SI: variants seen among roughly 807,000 people sequenced by gnomAD.
SI encodes the protein sucrase-isomaltase.
A neutral mutation model predicts 253.3 loss-of-function variants in SI; 235 were observed. The observed-to-expected ratio is 0.93, with a 90% CI of 0.83 to 1.03. SI has a LOEUF of 1.03. Ranked by LOEUF, SI falls within the 50% of genes least tolerant of loss-of-function variation. The pLI, the probability that SI is intolerant of heterozygous loss-of-function variation, is 0.00. For missense variants in SI, 2,442 were observed against 2,211.1 expected, an observed-to-expected ratio of 1.10 and a Z score of -2.09; for synonymous variants, 819 against 712.0, an observed-to-expected ratio of 1.15 and a Z score of -2.39.
Position 165,013,006 on chromosome 3 carries a change from T to C in SI, c.4036A>G (p.Thr1346Ala). ...TTAACAGCTTCATCTTCCGTTAGAGTTTTATCTATTGTTATGTTGGGCAAA... is the reference window on the plus strand; with the variant it reads ...TTAACAGCTTCATCTTCCGTTAGAGCTTTATCTATTGTTATGTTGGGCAAA... ...PDLPNITIDK[T>A]LTEDEAVNAS... Residue 1346 changes from threonine (T) to alanine (A), a missense_variant, in exon 34 of 48, where the codon ACT (threonine) becomes GCT (alanine). Transcript: ENST00000264382. 2 of 1,610,322 alleles carry C rather than the reference T, an allele frequency of 1.2e-6. No homozygotes were observed. Among genetic ancestry groups the C allele is most frequent in the Non-Finnish European group, 1.7e-6 (2 of 1,176,770 alleles).
At position 164,996,599 on chromosome 3, in the gene SI, G is replaced by A. The variant is rs1559981791; in HGVS notation, c.4628C>T (p.Thr1543Ile). ...FFNNSEYHLC[T>I]RWMQLGAFYP... ...AAATGCTCCAAGTTGCATCCAGCGG[G>A]TACAGAGATGATATTCTGAGTTGTT... Residue 1543 changes from threonine (T) to isoleucine (I), a missense_variant, in exon 40 of 48, where the codon ACC (threonine) becomes ATC (isoleucine). Coordinates refer to ENST00000264382, the MANE Select transcript of SI (RefSeq NM_001041.4). 1.2e-6 allele frequency: 2 copies of A among 1,609,984 alleles called. No individual in the cohort carries two copies. Among genetic ancestry groups the A allele is most frequent in the South Asian group, 2.2e-5 (2 of 91,010 alleles).
rs1718030585 is a variant in SI at position 164,996,759 on chromosome 3, A to C, written c.4554T>G (p.Phe1518Leu). 9.5e-7 allele frequency: 1 copy of C among 1,052,296 alleles called. No individual in the cohort carries two copies. The highest frequency in any genetic ancestry group is 1.4e-6 in the Non-Finnish European group (1 of 693,520). 65.2% of individuals were successfully genotyped at this position (1,052,296 alleles called of 1,614,324 possible). The change falls in exon 39 of 48, where the codon TTT (phenylalanine) becomes TTG (leucine). Residue 1518 changes from phenylalanine to leucine, a missense_variant. By Grantham distance (22) the Phe-to-Leu change is conservative (BLOSUM62 0). Coordinates refer to ENST00000264382, the MANE Select transcript of SI (RefSeq NM_001041.4). ...TTACATATGACATTCCAAACAGACT[A>C]AATTCCATCATACCTGAAAAAGTTA... is the stretch of plus-strand genomic sequence containing the variant. The part of the protein sequence containing the change: ...MDKSIIGMME[F>L]SLFGMSYTGA...
chr3:165,007,617 A>C (rs947517470), intron 36 of SI, among the ~76,000 whole-genome samples: 1 of 151,886 alleles, frequency 6.6e-6, no homozygotes, highest in Non-Finnish European at 1.5e-5. Context: ...AAACAAATTT[A>C]GAATTGTGTT....
chr3:165,032,948 T>C (rs536963770), intron 23 of SI, among the ~76,000 whole-genome samples: 10 of 151,504 alleles, frequency 6.6e-5, no homozygotes, highest in South Asian at 4.1e-4. Flanking sequence ...AGTCCTAACA[T>C]TGATGAAGAA....
chr3:164,999,935 C>G (rs1165995878), intron 37 of SI, among the ~76,000 whole-genome samples: 1 of 151,550 alleles, frequency 6.6e-6, no homozygotes, highest in African/African-American at 2.4e-5. Context: ...ATGATCTTCA[C>G]TGCTTTATTT....
At chr3:165,007,641 T>C (rs1003112668) in intron 36 of SI, among the ~76,000 whole-genome samples, 5 of 151,758 alleles carry the variant, frequency 3.3e-5, no homozygotes, top group Non-Finnish European at 7.4e-5. Flanking sequence ...GTAGATAAAA[T>C]ATATTCCTTG....
rs765027785 is a variant in SI at position 164,992,275 on chromosome 3, A to C, written c.4926+38T>G. On this transcript the variant is annotated intron_variant, in intron 42 of 47. Coordinates refer to ENST00000264382, the MANE Select transcript of SI (RefSeq NM_001041.4). ...TAGCCATTAGTTGTATATAAACCAA[A>C]GAAAATTGTGTAAACAAAAATATGT... The C allele has an allele frequency of 3.1e-6, 5 of 1,612,324 alleles. No individual in the cohort carries two copies. The South Asian group carries it at 5.5e-5, about 18-fold the overall frequency.
At chr3:165,021,572 C>T (rs1286493863) in intron 26 of SI, among the ~76,000 whole-genome samples, 189 bp from the exon 27 acceptor site, 4 of 151,608 alleles carry the variant, frequency 2.6e-5, no homozygotes, top group South Asian at 4.1e-4. Context: ...ATAATGGGTC[C>T]TAACTGAATA....
intron 24 of SI, among the ~76,000 whole-genome samples, chr3:165,031,930 A>T (rs1353141197): frequency 6.6e-6 from 1 of 151,192 alleles, no homozygotes; most frequent in East Asian, 1.9e-4. Context: ...TAATCTGTGC[A>T]TCCAATAACA....
chr3:165,059,450 T>C (rs1713880527), intron 10 of SI, 151 bp from the exon 11 acceptor site: 2 of 772,814 alleles, frequency 2.6e-6, no homozygotes, highest in Non-Finnish European at 4.2e-6. Context: ...GAAGCAATTG[T>C]ACTGTTTGTA....
At position 165,016,087 on chromosome 3, in the gene SI, T is replaced by C. The variant is rs367956129; in HGVS notation, c.3760-7A>G. The C allele has an allele frequency of 9.3e-5, 150 of 1,612,238 alleles. No individual in the cohort carries two copies. The highest frequency in any genetic ancestry group is 1.2e-4 in the Non-Finnish European group (143 of 1,178,642). On this transcript the variant is annotated splice_region_variant and splice_polypyrimidine_tract_variant and intron_variant, in intron 31 of 47. Transcript: ENST00000264382. ...TGTCTGTGTACTGAACATCCTGAAA[T>C]ATCCAAAAATTATCAAAGTAGGGCA...
chr3:165,059,836 A>G, intron 10 of SI, 66 bp downstream of exon 10: 2 of 1,518,268 alleles, frequency 1.3e-6, no homozygotes, highest in Non-Finnish European at 1.8e-6. Context: ...ACAATTTCCT[A>G]CAGTTCTTAT....
chr3:164,994,136 C>A, intron 41 of SI, 121 bp downstream of exon 41: 1 of 807,562 alleles, frequency 1.2e-6, no homozygotes, highest in South Asian at 1.6e-5. Context: ...AAAATGTGTG[C>A]TAATATAACA....
At chr3:165,004,264 A>G (rs1469018481) in intron 37 of SI, among the ~76,000 whole-genome samples, 1 of 152,206 alleles carries the variant, frequency 6.6e-6, no homozygotes, top group East Asian at 1.9e-4. Flanking sequence ...ATCTCGCCCT[A>G]GTTAAAATGG....
At chr3:164,984,079 G>T (rs1212700864) in intron 45 of SI, among the ~76,000 whole-genome samples, 2 of 151,846 alleles carry the variant, frequency 1.3e-5, no homozygotes, top group African/African-American at 4.8e-5. Context: ...ATTGCCAAAA[G>T]TAAAAAAACA....
the SI span, among the ~76,000 whole-genome samples, chr3:165,089,065 G>A: frequency 5.7e-5 from 8 of 140,554 alleles, no homozygotes; most frequent in South Asian, 9.5e-4. Flanking sequence ...AACTTTTTAC[G>A]GCCTTTTCTT....
chr3:164,999,767 TAAC>T (rs1209998672), intron 37 of SI, among the ~76,000 whole-genome samples: 1 of 151,656 alleles, frequency 6.6e-6, no homozygotes, highest in African/African-American at 2.4e-5. Context: ...AGTTCGGAAT[TAAC>T]AAATGTCTCA....
At position 165,002,680 on chromosome 3, in the gene SI, G is replaced by GT. The variant is rs763302417; in HGVS notation, c.4407-4008dup. On this transcript the variant is annotated intron_variant, in intron 37 of 47. Transcript: ENST00000264382. The stretch of plus-strand genomic sequence containing the variant: ...ATGTAACATGTACCTTATTTATAGT[G>GT]TTTTTTTACATTTGTCAAGGTCTTT... Among the ~76,000 whole-genome samples the GT allele has an allele frequency of 1.1e-4, 16 of 151,506 alleles. No individual in the cohort carries two copies. In the East Asian group the frequency reaches 1.7e-3, roughly 17 times the overall value.
intron 16 of SI, among the ~76,000 whole-genome samples, chr3:165,043,921 C>A (rs944970550): frequency 4.0e-5 from 6 of 151,892 alleles, no homozygotes; most frequent in African/African-American, 1.4e-4. Context: ...TATAAAAATT[C>A]TTCCGTGAAA....
Sources: gnomAD v4.1 joint callset for allele counts (sites outside exome capture counted in the v4.1 genomes callset) on GRCh38, gnomAD v4.1.1 for gene constraint, MANE v1.5 for transcripts, NCBI Gene and HGNC (gene_info 2026-07-23, HGNC 2026-07-21) for gene names.